ELL2: variants seen among roughly 807,000 people sequenced by gnomAD.
ELL2 encodes RNA polymerase II elongation factor ELL2.
In ELL2, 21 loss-of-function variants were observed where a neutral mutation model predicts 72.8. That is an observed-to-expected ratio of 0.29 (90% CI 0.20 to 0.42). ELL2 has a LOEUF of 0.42. Ranked by LOEUF, ELL2 falls within the 10% of genes least tolerant of loss-of-function variation. The pLI is 1.00. For synonymous variants in ELL2, 266 were observed against 283.2 expected, an observed-to-expected ratio of 0.94 and a Z score of 0.61; for missense variants, 568 against 772.8, an observed-to-expected ratio of 0.73 and a Z score of 3.14.
intron 2 of ELL2, among the ~76,000 whole-genome samples, chr5:95,940,908 C>T (rs1750944830): frequency 6.6e-6 from 1 of 152,064 alleles, no homozygotes; most frequent in Non-Finnish European, 1.5e-5. Context: ...CCCACTCTCT[C>T]CCCAGTAATG....
At chr5:95,913,687 A>T in intron 4 of ELL2, 84 bp downstream of exon 4, 1 of 1,342,568 alleles carries the variant, frequency 7.4e-7, no homozygotes, top group Non-Finnish European at 9.8e-7. Flanking sequence ...TGTTTTCATT[A>T]AGTTAATATT....
At chr5:95,889,825 A>T (rs1434395434) in intron 10 of ELL2, among the ~76,000 whole-genome samples, 1 of 150,362 alleles carries the variant, frequency 6.7e-6, no homozygotes, top group Non-Finnish European at 1.5e-5. Flanking sequence ...TATCACACAC[A>T]TAAACACACT....
chr5:95,910,336 C>T (rs1255254410), intron 4 of ELL2, among the ~76,000 whole-genome samples: 1 of 151,896 alleles, frequency 6.6e-6, no homozygotes, highest in Non-Finnish European at 1.5e-5. Context: ...ATTTTGTACA[C>T]CTAAACAAAT....
At chr5:95,960,953 A>G (rs1305050336) in intron 1 of ELL2, among the ~76,000 whole-genome samples, 1 of 150,318 alleles carries the variant, frequency 6.7e-6, no homozygotes, top group Non-Finnish European at 1.5e-5. Flanking sequence ...CTAAGTCCCT[A>G]TCTCTATGAG....
chr5:95,922,297 C>T (rs1377103776), intron 2 of ELL2, among the ~76,000 whole-genome samples: 3 of 152,204 alleles, frequency 2.0e-5, no homozygotes, highest in Non-Finnish European at 4.4e-5. Context: ...CTCCTGACCT[C>T]GTGATCTGCT....
intron 4 of ELL2, among the ~76,000 whole-genome samples, chr5:95,912,926 A>C (rs1414801130): frequency 6.6e-6 from 1 of 152,214 alleles, no homozygotes; most frequent in Admixed American, 6.5e-5. Context: ...GTGAGCGTTT[A>C]AGTTTCCAAA....
At chr5:95,937,335 C>T (rs1750812291) in intron 2 of ELL2, among the ~76,000 whole-genome samples, 1 of 152,252 alleles carries the variant, frequency 6.6e-6, no homozygotes, top group Non-Finnish European at 1.5e-5. Context: ...CAAGGGGTGG[C>T]CTAGACCGAG....
At chr5:95,957,658 C>A (rs1278704961) in intron 1 of ELL2, among the ~76,000 whole-genome samples, 1 of 152,150 alleles carries the variant, frequency 6.6e-6, no homozygotes, top group Non-Finnish European at 1.5e-5. Context: ...ACTCACAATG[C>A]CCCTCTGCCT....
In ELL2 at chr5:95,901,026, T is replaced by C; in HGVS notation, c.796A>G (p.Lys266Glu). Reference sequence around the variant, plus strand: ...CCAGGCCAGTCTCTTTGAAGCTCTTTAAAAACATAATCCTTTAAGGTATAT... The same window carrying C: ...CCAGGCCAGTCTCTTTGAAGCTCTTCAAAAACATAATCCTTTAAGGTATAT... The part of the protein sequence containing the change: ...LSYTLKDYVF[K>E]ELQRDWPGYS... The change falls in exon 6 of 12, where the codon AAA becomes GAA. Residue 266 changes from lysine to glutamate, a missense_variant. Transcript: ENST00000237853. 1 of 1,613,792 alleles carries C rather than the reference T, an allele frequency of 6.2e-7. No homozygotes were observed. Among genetic ancestry groups the C allele is most frequent in the Non-Finnish European group, 8.5e-7 (1 of 1,179,902 alleles).
intron 2 of ELL2, among the ~76,000 whole-genome samples, chr5:95,921,261 A>G (rs1333126230): frequency 6.6e-6 from 1 of 152,196 alleles, no homozygotes; most frequent in Non-Finnish European, 1.5e-5. Context: ...TTTTGAAAGG[A>G]GATTCAGATG....
At chr5:95,952,672 ATATGTAAGGTTTGAGATATC>A (rs1374720447) in intron 1 of ELL2, among the ~76,000 whole-genome samples, 2 of 152,222 alleles carry the variant, frequency 1.3e-5, no homozygotes, top group East Asian at 3.8e-4. Flanking sequence ...CACAGTTTGG[ATATGTAAGGTTTGAGATATC>A]TATTAAACTT....
At chr5:95,900,812 A>C (rs1749110815) in intron 6 of ELL2, 32 bp from the exon 7 acceptor site, 1 of 1,577,908 alleles carries the variant, frequency 6.3e-7, no homozygotes, top group African/African-American at 1.4e-5. Flanking sequence ...TGTGTTAAGG[A>C]GATGATTTAA....
At chr5:95,915,416 A>G (rs984558989) in intron 3 of ELL2, among the ~76,000 whole-genome samples, 54 of 152,256 alleles carry the variant, frequency 3.5e-4, no homozygotes, top group African/African-American at 1.3e-3. Context: ...ATCTTTATAA[A>G]TTGCTAATAA....
At chr5:95,913,614 AGAG>A in intron 4 of ELL2, 154 bp downstream of exon 4, 1 of 748,080 alleles carries the variant, frequency 1.3e-6, no homozygotes. Flanking sequence ...GGCAGTCTGA[AGAG>A]AACAAATAAC....
chr5:95,931,504 T>A (rs1038903721), intron 2 of ELL2, among the ~76,000 whole-genome samples: 18 of 152,108 alleles, frequency 1.2e-4, no homozygotes, highest in Non-Finnish European at 2.5e-4. Context: ...AATCAAAAGT[T>A]AACTATACTC....
intron 1 of ELL2, 69 bp downstream of exon 1, chr5:95,961,506 C>T: frequency 7.3e-7 from 1 of 1,371,360 alleles, no homozygotes. Flanking sequence ...GCCCCGCACC[C>T]GGGCGCGGCC....
intron 4 of ELL2, among the ~76,000 whole-genome samples, chr5:95,910,424 G>A (rs112402902): frequency 5.3e-4 from 80 of 151,786 alleles, no homozygotes; most frequent in African/African-American, 1.6e-3. Context: ...TTAAAATATC[G>A]GTGAATTAGA....
rs1748451904 is a variant in ELL2 at position 95,885,996 on chromosome 5, T to G, written c.*2875A>C. ...AATCAGTTGTTCATCCAACCTGGAG[T>G]TGATTTAAGGATGTTGGTAAAAATC... On this transcript the variant is annotated 3_prime_UTR_variant, in exon 12 of 12. Coordinates refer to ENST00000237853, the MANE Select transcript of ELL2 (RefSeq NM_012081.6). The G allele has an allele frequency of 6.6e-6, 1 of 152,168 alleles. No individual in the cohort carries two copies. The allele number at this position is 152,168 out of a possible 1,614,324, so 9.4% of individuals were successfully genotyped here.
At chr5:95,942,967 T>C (rs182534699) in intron 2 of ELL2, 35 bp downstream of exon 2, 3 of 1,526,340 alleles carry the variant, frequency 2.0e-6, no homozygotes, top group Admixed American at 4.0e-5. Flanking sequence ...TGCAAGAACA[T>C]TAGATTTGTT....
Sources: allele counts gnomAD v4.1 joint callset (sites outside exome capture counted in the v4.1 genomes callset), GRCh38; gene constraint gnomAD v4.1.1; transcripts MANE v1.5; gene names NCBI Gene and HGNC (gene_info 2026-07-23, HGNC 2026-07-21).